WDFY3: variants seen among roughly 807,000 people sequenced by gnomAD.
WDFY3 encodes WD repeat and FYVE domain containing 3.
Under a neutral mutation model 409.6 loss-of-function variants are expected in WDFY3, and 66 were observed. The observed-to-expected ratio is 0.16, with a 90% CI of 0.13 to 0.20. The LOEUF is 0.20. Among genes scored for constraint, WDFY3 ranks in the 10% least tolerant of loss-of-function variants. The pLI is 1.00. For missense variants in WDFY3, 3,031 were observed against 4,298.1 expected, an observed-to-expected ratio of 0.71 and a Z score of 8.24; for synonymous variants, 1,521 against 1,537.1, an observed-to-expected ratio of 0.99 and a Z score of 0.25.
At chr4:84,948,094 T>C (rs1021212914) in intron 1 of WDFY3, among the ~76,000 whole-genome samples, 10 of 152,114 alleles carry the variant, frequency 6.6e-5, no homozygotes, top group African/African-American at 2.4e-4. Flanking sequence ...AGGAAGTAAA[T>C]GAAAGGTGTG....
At chr4:84,813,254 G>C (rs774781580) in intron 13 of WDFY3, among the ~76,000 whole-genome samples, 2 of 152,086 alleles carry the variant, frequency 1.3e-5, no homozygotes, top group Non-Finnish European at 2.9e-5. Context: ...TTGGCTCTCA[G>C]CGCTACTTTT....
intron 62 of WDFY3, among the ~76,000 whole-genome samples, chr4:84,684,667 T>C (rs1372962155): frequency 6.6e-6 from 1 of 151,220 alleles, no homozygotes; most frequent in Non-Finnish European, 1.5e-5. Context: ...GTATTCAAAA[T>C]AGGGGTGGGG....
At chr4:84,751,857 C>T (rs975721074) in intron 35 of WDFY3, 141 bp from the exon 36 acceptor site, 8 of 847,266 alleles carry the variant, frequency 9.4e-6, no homozygotes, top group African/African-American at 8.5e-5. Flanking sequence ...CTGCTTTACT[C>T]GACCCTTCCT....
intron 21 of WDFY3, among the ~76,000 whole-genome samples, chr4:84,790,284 G>A (rs1020271740): frequency 5.9e-5 from 9 of 152,080 alleles, no homozygotes; most frequent in African/African-American, 2.2e-4. Flanking sequence ...TGGGAGGCAA[G>A]AGTTTGCAGT....
At chr4:84,830,896 T>C (rs1305685081) in intron 8 of WDFY3, among the ~76,000 whole-genome samples, 1 of 152,154 alleles carries the variant, frequency 6.6e-6, no homozygotes, top group Non-Finnish European at 1.5e-5. Context: ...CTTTTAGAAA[T>C]ATCCATTGTT....
In WDFY3 at chr4:84,697,161, T is replaced by C. The variant is rs78568755; in HGVS notation, c.8597-338A>G. On this transcript the variant is annotated intron_variant, in intron 56 of 67. Transcript: ENST00000295888. Reference sequence around the variant, plus strand: ...AATATGCTAACATGCACTGCCCTTCTCTAAGAGGGATATCAAACACAAAAT... The same window carrying C: ...AATATGCTAACATGCACTGCCCTTCCCTAAGAGGGATATCAAACACAAAAT... 5.3e-5 allele frequency among the ~76,000 whole-genome samples: 8 copies of C among 152,314 alleles called. No individual in the cohort carries two copies. In the East Asian group the frequency reaches 1.5e-3, roughly 29 times the overall value.
intron 10 of WDFY3, among the ~76,000 whole-genome samples, chr4:84,826,142 TTCAA>T (rs1161943922): frequency 1.3e-5 from 2 of 152,072 alleles, no homozygotes; most frequent in Admixed American, 6.6e-5. Flanking sequence ...CATCTGTGGA[TTCAA>T]TCAATCACAG....
intron 4 of WDFY3, among the ~76,000 whole-genome samples, chr4:84,854,725 A>G (rs1759510491): frequency 6.6e-6 from 1 of 152,210 alleles, no homozygotes; most frequent in South Asian, 2.1e-4. Flanking sequence ...CCTGGCCAAC[A>G]TGGTGAAACC....
intron 3 of WDFY3, among the ~76,000 whole-genome samples, chr4:84,882,141 T>C (rs1763621953): frequency 6.6e-6 from 1 of 152,152 alleles, no homozygotes; most frequent in Non-Finnish European, 1.5e-5. Context: ...CAAATTCACA[T>C]ATAATCCTCA....
chr4:84,952,339 T>C (rs1399762535), intron 1 of WDFY3, among the ~76,000 whole-genome samples: 1 of 152,186 alleles, frequency 6.6e-6, no homozygotes, highest in Non-Finnish European at 1.5e-5. Flanking sequence ...TATGACACCA[T>C]TTTTCATTAA....
Position 84,672,817 on chromosome 4 carries a change from GAATC to G in WDFY3, c.*47_*50del. ...CAATGCCTTCCAAGCTGGGACAGGA[GAATC>G]GGGAAGGGGTCTACAGACCATGGTC... On this transcript the variant is annotated 3_prime_UTR_variant, in exon 68 of 68. Transcript: ENST00000295888. The G allele has an allele frequency of 6.2e-7, 1 of 1,603,304 alleles. No homozygotes were observed. Among genetic ancestry groups the G allele is most frequent in the Non-Finnish European group, 8.5e-7 (1 of 1,175,156 alleles).
In WDFY3 at chr4:84,702,459, C is replaced by T; in HGVS notation, c.8490G>A (p.Glu2830=). The T allele has an allele frequency of 1.2e-6, 2 of 1,613,622 alleles. No homozygotes were observed. The highest frequency in any genetic ancestry group is 1.1e-5 in the South Asian group (1 of 91,006). The stretch of plus-strand genomic sequence containing the variant: ...TGTGCTTTGACGCTGAATACCAGGC[C>T]TCGCGCACACTGTGAAACATCCGGT... ...LADRMFHSVR[E]AWYSASKHNM... The change falls in exon 56 of 68, where the codon GAG becomes GAA. Residue 2830 remains glutamate (E), a synonymous_variant. Transcript: ENST00000295888.
chr4:84,835,204 T>C (rs1332798776), intron 7 of WDFY3, among the ~76,000 whole-genome samples: 2 of 152,256 alleles, frequency 1.3e-5, no homozygotes, highest in East Asian at 3.8e-4. Context: ...GCTATGCTTA[T>C]GTAGGTATTA....
At chr4:84,686,081 A>G (rs1292434735) in intron 62 of WDFY3, among the ~76,000 whole-genome samples, 2 of 152,204 alleles carry the variant, frequency 1.3e-5, no homozygotes, top group Non-Finnish European at 2.9e-5. Context: ...CGAGGCGGGC[A>G]GATCACAAGG....
At chr4:84,694,684 C>T (rs1729809237) in intron 58 of WDFY3, among the ~76,000 whole-genome samples, 2 of 152,178 alleles carry the variant, frequency 1.3e-5, no homozygotes, top group Non-Finnish European at 2.9e-5. Flanking sequence ...GTAATCCCAG[C>T]ACTTTGGTAG....
intron 4 of WDFY3, among the ~76,000 whole-genome samples, chr4:84,857,533 C>A (rs949416052): frequency 6.6e-6 from 1 of 152,186 alleles, no homozygotes; most frequent in South Asian, 2.1e-4. Flanking sequence ...CACATCATGA[C>A]GTTAAAGTAA....
chr4:84,806,278 G>T (rs1206124152), intron 15 of WDFY3, among the ~76,000 whole-genome samples: 3 of 152,132 alleles, frequency 2.0e-5, no homozygotes, highest in Non-Finnish European at 4.4e-5. Flanking sequence ...TTACCATTGA[G>T]CAAAATGTAT....
chr4:84,876,398 TG>T (rs1762790762), intron 3 of WDFY3, among the ~76,000 whole-genome samples: 1 of 152,238 alleles, frequency 6.6e-6, no homozygotes, highest in South Asian at 2.1e-4. Context: ...AGATACGTTC[TG>T]TGTGTAAGAT....
At chr4:84,755,115 T>G in intron 34 of WDFY3, 151 bp downstream of exon 34, 2 of 1,141,310 alleles carry the variant, frequency 1.8e-6, no homozygotes, top group Non-Finnish European at 2.5e-6. Context: ...GTTCTTACGT[T>G]AGATATAATT....
Sources: allele counts gnomAD v4.1 joint callset (sites outside exome capture counted in the v4.1 genomes callset), GRCh38; gene constraint gnomAD v4.1.1; transcripts MANE v1.5; gene names NCBI Gene and HGNC (gene_info 2026-07-23, HGNC 2026-07-21).